NEK10: variants seen among roughly 807,000 people sequenced by gnomAD.
NEK10 encodes NIMA related kinase 10, also known as serine/threonine-protein kinase Nek10.
A neutral mutation model predicts 159.8 loss-of-function variants in NEK10; 122 were observed. The observed-to-expected ratio is 0.76, with a 90% CI of 0.66 to 0.89. The LOEUF is 0.89. Among genes scored for constraint, NEK10 ranks in the 40% least tolerant of loss-of-function variants. The pLI is 0.00. For missense variants in NEK10, 1,342 were observed against 1,323.1 expected (o/e 1.01, Z -0.22); for synonymous variants, 466 against 457.1 (o/e 1.02, Z -0.25).
intron 31 of NEK10, among the ~76,000 whole-genome samples, chr3:27,139,330 T>A (rs925399203): frequency 6.6e-6 from 1 of 152,130 alleles, no homozygotes; most frequent in South Asian, 2.1e-4. Context: ...GAAAACCCTA[T>A]GATAACCTCA....
intron 23 of NEK10, among the ~76,000 whole-genome samples, chr3:27,225,852 A>AT (rs1952580817): frequency 6.6e-6 from 1 of 151,948 alleles, no homozygotes; most frequent in African/African-American, 2.4e-5. Flanking sequence ...TTCAGCTGCA[A>AT]GGAGGCTAAG....
At chr3:27,274,058 A>T (rs2041582300) in intron 22 of NEK10, among the ~76,000 whole-genome samples, 1 of 152,156 alleles carries the variant, frequency 6.6e-6, no homozygotes, top group African/African-American at 2.4e-5. Context: ...AACAAATGGC[A>T]TGCTAATTAA....
intron 26 of NEK10, among the ~76,000 whole-genome samples, chr3:27,189,189 A>C (rs1263404016): frequency 6.6e-6 from 1 of 152,166 alleles, no homozygotes; most frequent in East Asian, 1.9e-4. Context: ...GGTAAACCAC[A>C]GTACATAGAG....
intron 1 of NEK10, among the ~76,000 whole-genome samples, chr3:27,360,592 T>A (rs1428028966): frequency 1.3e-5 from 2 of 152,132 alleles, no homozygotes; most frequent in Non-Finnish European, 1.5e-5. Context: ...CTAAGGCAGA[T>A]GGGAAAAAGA....
At chr3:27,115,125 A>G (rs990737497) in intron 35 of NEK10, among the ~76,000 whole-genome samples, 4 of 152,104 alleles carry the variant, frequency 2.6e-5, no homozygotes, top group African/African-American at 9.7e-5. Context: ...TTAAACAATG[A>G]CTGATGGAGA....
intron 5 of NEK10, among the ~76,000 whole-genome samples, chr3:27,325,418 T>C (rs1559503991): frequency 6.6e-6 from 1 of 152,128 alleles, no homozygotes; most frequent in South Asian, 2.1e-4. Flanking sequence ...CAGCAATTAC[T>C]TGAGTTGTGG....
At chr3:27,344,887 A>G (rs1226669371) in intron 4 of NEK10, among the ~76,000 whole-genome samples, 1 of 152,212 alleles carries the variant, frequency 6.6e-6, no homozygotes, top group Non-Finnish European at 1.5e-5. Flanking sequence ...ACCTTCAGCC[A>G]TGTTGACTGT....
chr3:27,235,394 A>G (rs952520147), intron 23 of NEK10, among the ~76,000 whole-genome samples: 13 of 152,208 alleles, frequency 8.5e-5, no homozygotes, highest in African/African-American at 3.1e-4. Flanking sequence ...TCCAGCATCT[A>G]TAAGGAGCTT....
Position 27,202,440 on chromosome 3 carries a change from G to A in NEK10, c.2208C>T (p.Ser736=). The change falls in exon 24 of 36, where the codon TCC becomes TCT. Residue 736 remains serine (S), a synonymous_variant. Transcript: ENST00000691995. ...CAGCGTTGCTTACTTTTGTAGCCAA[G>A]GACAGCATGTTAGTGCTGTAGAAGG... The part of the protein sequence containing the change: ...SPPFYSTNML[S]LATKIVEAVY... 3.1e-6 allele frequency: 5 copies of A among 1,611,838 alleles called. No individual in the cohort carries two copies. Among genetic ancestry groups the A allele is most frequent in the Non-Finnish European group, 4.2e-6 (5 of 1,178,718 alleles).
At chr3:27,204,275 CTT>C (rs1203026508) in intron 23 of NEK10, among the ~76,000 whole-genome samples, 693 of 64,026 alleles carry the variant, frequency 0.011, 5 homozygotes, top group African/African-American at 0.036. Context: ...GATAAATTTT[CTT>C]TTTTTTTTTT....
intron 6 of NEK10, among the ~76,000 whole-genome samples, chr3:27,315,529 C>T (rs188286340): frequency 9.9e-5 from 15 of 152,234 alleles, no homozygotes; most frequent in Admixed American, 4.6e-4. Context: ...TTAAAGAGCA[C>T]GAGAATATTG....
At chr3:27,283,270 T>A (rs2042335756) in intron 22 of NEK10, among the ~76,000 whole-genome samples, 1 of 152,132 alleles carries the variant, frequency 6.6e-6, no homozygotes, top group Non-Finnish European at 1.5e-5. Flanking sequence ...TGTCTCCACA[T>A]CAATAACATT....
chr3:27,161,122 T>C (rs1945977369), intron 30 of NEK10, among the ~76,000 whole-genome samples: 2 of 152,208 alleles, frequency 1.3e-5, no homozygotes, highest in African/African-American at 2.4e-5. Flanking sequence ...GTCAACATAC[T>C]GTTTAGGAAA....
intron 22 of NEK10, among the ~76,000 whole-genome samples, chr3:27,259,325 A>T (rs561217936): frequency 1.6e-4 from 25 of 152,188 alleles, no homozygotes; most frequent in African/African-American, 6.0e-4. Flanking sequence ...TTGCCTAGGT[A>T]TTCTTCTAGG....
At chr3:27,318,286 G>A (rs180745135) in intron 6 of NEK10, among the ~76,000 whole-genome samples, 6 of 152,266 alleles carry the variant, frequency 3.9e-5, no homozygotes, top group African/African-American at 1.2e-4. Context: ...GACAAAATAT[G>A]GTGCCATTAA....
chr3:27,112,453 C>A (rs1939710361), intron 35 of NEK10, among the ~76,000 whole-genome samples: 2 of 152,166 alleles, frequency 1.3e-5, no homozygotes, highest in African/African-American at 2.4e-5. Flanking sequence ...GTGCTTAATT[C>A]ATTTAAGAAC....
intron 23 of NEK10, chr3:27,252,949 T>G (rs774395796): frequency 2.0e-6 from 1 of 498,616 alleles, no homozygotes; most frequent in Non-Finnish European, 4.0e-6. Flanking sequence ...CCACTTAAAA[T>G]TCTCAAAATT....
In NEK10 at chr3:27,276,368, G is replaced by A. The variant is rs530290882; in HGVS notation, c.2014+8234C>T. On this transcript the variant is annotated intron_variant, in intron 22 of 35. Coordinates refer to ENST00000691995, the MANE Select transcript of NEK10 (RefSeq NM_001394966.1). Reference sequence around the variant, plus strand: ...GTCAAAGATGCCCCCTGGAGGAAGCGCATTTGACCTGAGTGGCAGAAGGGA... The same window carrying A: ...GTCAAAGATGCCCCCTGGAGGAAGCACATTTGACCTGAGTGGCAGAAGGGA... 2.4e-4 allele frequency among the ~76,000 whole-genome samples: 36 copies of A among 152,080 alleles called. No homozygotes were observed. The East Asian group carries it at 6.3e-3, about 26-fold the overall frequency.
intron 5 of NEK10, among the ~76,000 whole-genome samples, chr3:27,332,418 T>TCTC (rs1487043595): frequency 3.9e-5 from 6 of 152,336 alleles, no homozygotes; most frequent in African/African-American, 1.4e-4. Context: ...TTCCCAAAGT[T>TCTC]CTCTCCTATT....
Sources: allele counts gnomAD v4.1 joint callset (sites outside exome capture counted in the v4.1 genomes callset), GRCh38; gene constraint gnomAD v4.1.1; transcripts MANE v1.5; gene names NCBI Gene and HGNC (gene_info 2026-07-23, HGNC 2026-07-21).